USP6NL: variants seen among roughly 807,000 people sequenced by gnomAD.
USP6NL encodes USP6 N-terminal like.
In USP6NL, 26 loss-of-function variants were observed where a neutral mutation model predicts 61.9. The observed-to-expected ratio is 0.42, with a 90% CI of 0.31 to 0.58. The LOEUF (loss-of-function observed/expected upper bound fraction) is 0.58, where lower values mean the gene tolerates loss of function less well. Among genes scored for constraint, USP6NL ranks in the 20% least tolerant of loss-of-function variants. USP6NL has a pLI of 0.16. For synonymous variants in USP6NL, 432 were observed against 390.1 expected, an observed-to-expected ratio of 1.11 and a Z score of -1.27; for missense variants, 1,114 against 1,034.3, an observed-to-expected ratio of 1.08 and a Z score of -1.06.
At chr10:11,501,859 T>C (rs1441538493) in intron 6 of USP6NL, among the ~76,000 whole-genome samples, 3 of 152,214 alleles carry the variant, frequency 2.0e-5, no homozygotes, top group Non-Finnish European at 4.4e-5. Flanking sequence ...TCAGGAAAAC[T>C]TTTTTCTTTT....
chr10:11,469,258 C>A (rs1832620481), intron 14 of USP6NL, among the ~76,000 whole-genome samples: 1 of 152,184 alleles, frequency 6.6e-6, no homozygotes, highest in Non-Finnish European at 1.5e-5. Context: ...CTACTTACTT[C>A]TTTTGTATTC....
In USP6NL at chr10:11,592,425, G is replaced by C. The variant is rs1429662852; in HGVS notation, c.4+5206C>G. ...TCCCCCAGTAACTGTCAGCCACAAA[G>C]TCTCCATACATTTCCAAATTCCTCT... On this transcript the variant is annotated intron_variant, in intron 2 of 14. Transcript: ENST00000609104. This position sits in a 1 kb window ranked among gnomAD's most constrained non-coding sequence, Gnocchi z 4.7. Among the ~76,000 whole-genome samples, 2 of 151,864 alleles carry C rather than the reference G, an allele frequency of 1.3e-5. No homozygotes were observed. Among genetic ancestry groups the C allele is most frequent in the African/African-American group, 4.8e-5 (2 of 41,302 alleles).
chr10:11,569,132 A>G (rs1837270439), intron 2 of USP6NL, among the ~76,000 whole-genome samples: 1 of 152,268 alleles, frequency 6.6e-6, no homozygotes. Context: ...ATTAGATGCT[A>G]TAACTTTAGT....
Position 11,468,670 on chromosome 10 carries a change from G to A in USP6NL, c.1079-4821C>T, listed in dbSNP as rs377323604. ...AGGGGAGGAGGTGTGGGAAAAATGC[G>A]GAACACCTTTGAGGAAAATGTTGCC... On this transcript the variant is annotated intron_variant, in intron 14 of 14. Transcript: ENST00000609104. The surrounding 1 kb of genome is among the most constrained non-coding windows in gnomAD (Gnocchi z 4.5). Among the ~76,000 whole-genome samples the A allele has an allele frequency of 1.4e-4, 22 of 152,318 alleles. 1 individual carries two copies. Among genetic ancestry groups the A allele is most frequent in the African/African-American group, 4.8e-4 (20 of 41,564 alleles).
At position 11,462,725 on chromosome 10, in the gene USP6NL, T is replaced by G; in HGVS notation, c.2203A>C (p.Thr735Pro). 1 of 1,614,054 alleles carries G rather than the reference T, an allele frequency of 6.2e-7. No individual in the cohort carries two copies. ...TATGTATAACTAACTTCTGACCATG[T>G]TCTGTTATCTGGCAAGTAATCCACT... Reference protein sequence around the residue: ...PPVDYLPDNRTWSEVSYTYRP... With the variant: ...PPVDYLPDNRPWSEVSYTYRP... Residue 735 changes from threonine to proline, a missense_variant, in exon 15 of 15, where the codon ACA becomes CCA. By Grantham distance (38) the Thr-to-Pro change is conservative (BLOSUM62 -1). Coordinates refer to ENST00000609104, the MANE Select transcript of USP6NL (RefSeq NM_014688.5).
rs937862700 is a variant in USP6NL at position 11,468,050 on chromosome 10, T to G, written c.1079-4201A>C. Among the ~76,000 whole-genome samples, 1 of 152,216 alleles carries G rather than the reference T, an allele frequency of 6.6e-6. No individual in the cohort carries two copies. The highest frequency in any genetic ancestry group is 1.9e-4 in the East Asian group (1 of 5,204). ...TGAGCAATCTTACCAAAAAACAAAGTCAGATTAATCAAGTATGGCATCGCT... is the reference window on the plus strand; with the variant it reads ...TGAGCAATCTTACCAAAAAACAAAGGCAGATTAATCAAGTATGGCATCGCT... On this transcript the variant is annotated intron_variant, in intron 14 of 14. Coordinates refer to ENST00000609104, the MANE Select transcript of USP6NL (RefSeq NM_014688.5). This position sits in a 1 kb window ranked among gnomAD's most constrained non-coding sequence, Gnocchi z 4.5.
At chr10:11,571,545 C>G (rs1045547771) in intron 2 of USP6NL, among the ~76,000 whole-genome samples, 1 of 152,038 alleles carries the variant, frequency 6.6e-6, no homozygotes, top group African/African-American at 2.4e-5. Context: ...CTTCACAAAT[C>G]AATTTTTCAT....
intron 2 of USP6NL, among the ~76,000 whole-genome samples, chr10:11,556,863 A>C (rs1715524993): frequency 1.3e-5 from 2 of 152,232 alleles, no homozygotes; most frequent in African/African-American, 4.8e-5. Context: ...GAACTCTAAC[A>C]ACAAATCAAT....
intron 2 of USP6NL, among the ~76,000 whole-genome samples, chr10:11,541,640 T>C (rs1252472544): frequency 6.6e-6 from 1 of 152,086 alleles, no homozygotes; most frequent in Non-Finnish European, 1.5e-5. Context: ...TTCAAGTCAA[T>C]AGAAAGCCGT....
intron 4 of USP6NL, among the ~76,000 whole-genome samples, chr10:11,519,175 G>A (rs1835097867): frequency 6.6e-6 from 1 of 152,178 alleles, no homozygotes; most frequent in South Asian, 2.1e-4. Context: ...AGCTGGATCT[G>A]CTCCACAGGC....
rs1021179207 is a variant in USP6NL, at chr10:11,482,559, T to C, written c.926-637A>G. On this transcript the variant is annotated intron_variant, in intron 13 of 14. Transcript: ENST00000609104. This position sits in a 1 kb window ranked among gnomAD's most constrained non-coding sequence, Gnocchi z 4.0. Reference sequence around the variant, plus strand: ...TGTATATCAATTGAAGAATCCAAATTATACTTTTCAAGTTATTCCCCTTTT... The same window carrying C: ...TGTATATCAATTGAAGAATCCAAATCATACTTTTCAAGTTATTCCCCTTTT... 6.6e-6 allele frequency among the ~76,000 whole-genome samples: 1 copy of C among 152,228 alleles called. No individual in the cohort carries two copies. The highest frequency in any genetic ancestry group is 2.4e-5 in the African/African-American group (1 of 41,462).
Position 11,597,149 on chromosome 10 carries a change from T to TA in USP6NL, c.4+481dup, listed in dbSNP as rs941319161. ...TACTATCCCCTTACAACTAAGAAGA[T>TA]AAAATTATCAAATGTGGTTAAGCCC... On this transcript the variant is annotated intron_variant, in intron 2 of 14. Coordinates refer to ENST00000609104, the MANE Select transcript of USP6NL (RefSeq NM_014688.5). The surrounding 1 kb of genome is among the most constrained non-coding windows in gnomAD (Gnocchi z 4.6). Among the ~76,000 whole-genome samples, 6 of 152,206 alleles carry TA rather than the reference T, an allele frequency of 3.9e-5. No individual in the cohort carries two copies. The highest frequency in any genetic ancestry group is 3.9e-4 in the Admixed American group (6 of 15,284).
chr10:11,463,422 G>GT lies in USP6NL; in HGVS notation c.1505dup (p.Tyr502Ter). 1 of 1,614,060 alleles carries GT rather than the reference G, an allele frequency of 6.2e-7. No individual in the cohort carries two copies. The highest frequency in any genetic ancestry group is 1.1e-5 in the South Asian group (1 of 91,086). Residue 502 changes from tyrosine (Y) to a stop codon, truncating the protein, a stop_gained and frameshift_variant, in exon 15 of 15, where the codon TAC becomes TAAC. Transcript: ENST00000609104. LOFTEE classifies it low-confidence loss of function (END_TRUNC). The surrounding 1 kb of genome is among the most constrained non-coding windows in gnomAD (Gnocchi z 6.3). ...CTGCTCGACCTTTGCCTTCCATGGT[G>GT]TATTTGGCAGTTCTCTCTGTAGCTG... ...DVSATERTAK[Y>*]TMEGKGRAAH...
chr10:11,593,887 G>C (rs1356361129), intron 2 of USP6NL, among the ~76,000 whole-genome samples: 2 of 152,122 alleles, frequency 1.3e-5, no homozygotes, highest in African/African-American at 2.4e-5. Context: ...CTATGACCAT[G>C]TTCTAGCGTT....
Position 11,562,295 on chromosome 10 carries a change from C to T in USP6NL, c.5-34728G>A. The T allele has an allele frequency of 1.3e-6, 1 of 789,142 alleles. No individual in the cohort carries two copies. Among genetic ancestry groups the T allele is most frequent in the Non-Finnish European group, 1.5e-6 (1 of 650,214 alleles). 48.9% of individuals were successfully genotyped at this position (789,142 alleles called of 1,614,324 possible). A position where few individuals can be genotyped will look rare whatever the true frequency, so the allele number is the denominator to read the frequency against. On this transcript the variant is annotated intron_variant, in intron 2 of 14. Transcript: ENST00000609104. The surrounding 1 kb of genome is among the most constrained non-coding windows in gnomAD (Gnocchi z 4.8). ...AAAAAAAAAATTGCATTCCCAGGAC[C>T]CCCCTGCAGCTAGCAGCAGCCATGT...
In USP6NL at chr10:11,485,798, C is replaced by A; in HGVS notation, c.759+19G>T. 1.3e-6 allele frequency: 2 copies of A among 1,522,284 alleles called. No homozygotes were observed. Among genetic ancestry groups the A allele is most frequent in the South Asian group, 2.5e-5 (2 of 80,522 alleles). The allele number at this position is 1,522,284 out of a possible 1,614,324, so 94.3% of individuals were successfully genotyped here. ...GGGGGGTGGGTAGGTGGGTGTAAGT[C>A]AGTGGCACATCTACCTACCAAGTGT... On this transcript the variant is annotated intron_variant, in intron 11 of 14. Coordinates refer to ENST00000609104, the MANE Select transcript of USP6NL (RefSeq NM_014688.5). This position sits in a 1 kb window ranked among gnomAD's most constrained non-coding sequence, Gnocchi z 4.8.
At chr10:11,523,162 A>G (rs1835276907) in intron 4 of USP6NL, among the ~76,000 whole-genome samples, 1 of 152,224 alleles carries the variant, frequency 6.6e-6, no homozygotes, top group Non-Finnish European at 1.5e-5. Flanking sequence ...ATAAATACAA[A>G]AGAACTGATT....
At chr10:11,493,422 A>T (rs1833785139) in intron 7 of USP6NL, among the ~76,000 whole-genome samples, 194 bp from the exon 8 acceptor site, 1 of 152,062 alleles carries the variant, frequency 6.6e-6, no homozygotes, top group Non-Finnish European at 1.5e-5. Flanking sequence ...CATTTCTCCT[A>T]CTGCCTGCTT....
At chr10:11,527,165 C>G (rs1835454995) in intron 3 of USP6NL, among the ~76,000 whole-genome samples, 1 of 151,946 alleles carries the variant, frequency 6.6e-6, no homozygotes, top group African/African-American at 2.4e-5. Flanking sequence ...CAGAGAAGAT[C>G]TCAGTAAGAC....
Sources: allele counts gnomAD v4.1 joint callset (sites outside exome capture counted in the v4.1 genomes callset), GRCh38; gene constraint gnomAD v4.1.1; non-coding constraint Gnocchi (gnomAD v3.1); transcripts MANE v1.5; gene names NCBI Gene and HGNC (gene_info 2026-07-23, HGNC 2026-07-21).